The following FSD2 variants were observed in gnomAD, a reference collection of about 807,000 sequenced individuals.
FSD2 encodes fibronectin type III and SPRY domain containing 2, also known as fibronectin type III and SPRY domain-containing protein 2.
Under a neutral mutation model 80.4 loss-of-function variants are expected in FSD2, and 71 were observed. The observed-to-expected ratio is 0.88, with a 90% CI of 0.73 to 1.08. FSD2 has a LOEUF of 1.08. Ranked by LOEUF, FSD2 falls within the 50% of genes least tolerant of loss-of-function variation. The probability of loss-of-function intolerance (pLI) is 0.00; values close to 1 mark genes in which losing one functional copy is unlikely to be tolerated. For missense variants in FSD2, 923 were observed against 913.8 expected (o/e 1.01, Z -0.13); for synonymous variants, 361 against 329.5 (o/e 1.10, Z -1.03).
chr15:82,771,557 C>T (rs1034554387), intron 7 of FSD2, among the ~76,000 whole-genome samples: 2 of 152,340 alleles, frequency 1.3e-5, no homozygotes, highest in East Asian at 1.9e-4. Flanking sequence ...GAGTGGAGGC[C>T]GGGGGCCATC....
chr15:82,765,318 C>A lies in FSD2; in HGVS notation c.1688-20G>T, dbSNP rs1394962071. On this transcript the variant is annotated intron_variant, in intron 10 of 12. Coordinates refer to ENST00000334574, the MANE Select transcript of FSD2 (RefSeq NM_001007122.4). ...AGCTTCCTGTGGGAGGAGGAACACA[C>A]AGAAGACCCGCAGCCAATCACTTGC... is the stretch of plus-strand genomic sequence containing the variant. The A allele has an allele frequency of 6.2e-7, 1 of 1,612,624 alleles. No individual in the cohort carries two copies. The highest frequency in any genetic ancestry group is 8.5e-7 in the Non-Finnish European group (1 of 1,179,438).
chr15:82,800,259 G>A (rs932939617), intron 1 of FSD2, among the ~76,000 whole-genome samples: 2 of 152,192 alleles, frequency 1.3e-5, no homozygotes, highest in Non-Finnish European at 2.9e-5. Flanking sequence ...TGTCCTGCAA[G>A]CACAGGAAAA....
chr15:82,790,970 C>A (rs2050135535), intron 1 of FSD2, among the ~76,000 whole-genome samples: 1 of 151,694 alleles, frequency 6.6e-6, no homozygotes, highest in Non-Finnish European at 1.5e-5. Context: ...AAAATGTATA[C>A]TTTAGTGGTT....
chr15:82,802,096 T>G (rs1414720429), intron 1 of FSD2, among the ~76,000 whole-genome samples: 1 of 152,204 alleles, frequency 6.6e-6, no homozygotes, highest in East Asian at 1.9e-4. Context: ...ACCATTAGGC[T>G]CTGGCTGGGG....
Position 82,786,889 on chromosome 15 carries a change from C to A in FSD2, c.502G>T (p.Glu168Ter). 1 of 1,613,966 alleles carries A rather than the reference C, an allele frequency of 6.2e-7. No individual in the cohort carries two copies. Among genetic ancestry groups the A allele is most frequent in the Admixed American group, 1.7e-5 (1 of 60,012 alleles). ...GCAGCTTCTTCTTCATCCTCTTCCT[C>A]GGGGATGACATAGCATTCATACTCC... ...SEEYECYVIP[E>*]EEDEEEAADV... The change falls in exon 2 of 13, where the codon GAG becomes TAG. Residue 168 changes from glutamate to a stop codon, truncating the protein, a stop_gained. Coordinates refer to ENST00000334574, the MANE Select transcript of FSD2 (RefSeq NM_001007122.4). LOFTEE classifies it high-confidence loss of function.
rs2049221927 is a variant in FSD2 at position 82,758,708 on chromosome 15, A to G, written c.*640T>C. 1 of 152,382 alleles carries G rather than the reference A, an allele frequency of 6.6e-6. No homozygotes were observed. Among genetic ancestry groups the G allele is most frequent in the Admixed American group, 6.5e-5 (1 of 15,278 alleles). The allele number at this position is 152,382 out of a possible 1,614,324, so 9.4% of individuals were successfully genotyped here. The stretch of plus-strand genomic sequence containing the variant: ...GTTAGCCCTTGGTGATCTAGCAATG[A>G]ACAAAACAGGCACTGTCCCTCCCTT... On this transcript the variant is annotated 3_prime_UTR_variant, in exon 13 of 13. Transcript: ENST00000334574.
chr15:82,764,896 G>A (rs1343997853), intron 11 of FSD2, among the ~76,000 whole-genome samples: 1 of 151,914 alleles, frequency 6.6e-6, no homozygotes, highest in African/African-American at 2.4e-5. Flanking sequence ...CTCCAGCTCT[G>A]GCAGCCTAGG....
intron 1 of FSD2, chr15:82,796,164 G>C (rs2050263726): frequency 1.3e-5 from 2 of 152,406 alleles, no homozygotes. Flanking sequence ...ACCACATCCA[G>C]CTAATTTTTG....
chr15:82,798,858 T>C (rs1296311871), intron 1 of FSD2, among the ~76,000 whole-genome samples: 1 of 149,026 alleles, frequency 6.7e-6, no homozygotes, highest in African/African-American at 2.5e-5. Flanking sequence ...AAGTTTTCTT[T>C]CCACTATCTC....
chr15:82,777,473 A>G (rs749929758), intron 6 of FSD2, among the ~76,000 whole-genome samples: 41 of 152,188 alleles, frequency 2.7e-4, no homozygotes, highest in Admixed American at 9.8e-4. Flanking sequence ...AGAGTGCTCA[A>G]TCTCTCTAGT....
intron 1 of FSD2, among the ~76,000 whole-genome samples, chr15:82,804,723 G>A (rs1236021185): frequency 6.6e-6 from 1 of 152,246 alleles, no homozygotes; most frequent in Non-Finnish European, 1.5e-5. Flanking sequence ...TGAACTGTCA[G>A]AAGACTGGAA....
At chr15:82,762,610 C>A (rs1432708485) in intron 11 of FSD2, among the ~76,000 whole-genome samples, 1 of 152,136 alleles carries the variant, frequency 6.6e-6, no homozygotes, top group Non-Finnish European at 1.5e-5. Flanking sequence ...TGAAAATACA[C>A]AACACAGCAC....
intron 6 of FSD2, 82 bp from the exon 7 acceptor site, chr15:82,772,310 C>T: frequency 2.9e-6 from 4 of 1,364,600 alleles, no homozygotes; most frequent in Non-Finnish European, 3.0e-6. Context: ...GACCATTGAT[C>T]CCCCCAATGA....
At chr15:82,799,740 TTCTCAAAC>T (rs1865221032) in intron 1 of FSD2, among the ~76,000 whole-genome samples, 1 of 152,310 alleles carries the variant, frequency 6.6e-6, no homozygotes, top group South Asian at 2.1e-4. Flanking sequence ...TCAATAAGGT[TTCTCAAAC>T]TTTCCTGCAC....
At chr15:82,770,629 C>G (rs1477865954) in intron 7 of FSD2, among the ~76,000 whole-genome samples, 1 of 152,068 alleles carries the variant, frequency 6.6e-6, no homozygotes, top group Non-Finnish European at 1.5e-5. Flanking sequence ...TGAGATAGTG[C>G]CACTACACTC....
Position 82,765,146 on chromosome 15 carries a change from G to C in FSD2, c.1820+20C>G. ...TTCGGGAAGTTCACAGAACGCCCTTGTGAGCGGTTGACAAAGTACCTGGTG... is the reference window on the plus strand; with the variant it reads ...TTCGGGAAGTTCACAGAACGCCCTTCTGAGCGGTTGACAAAGTACCTGGTG... On this transcript the variant is annotated intron_variant, in intron 11 of 12. Transcript: ENST00000334574. 6.3e-7 allele frequency: 1 copy of C among 1,579,652 alleles called. No homozygotes were observed. The highest frequency in any genetic ancestry group is 1.1e-5 in the South Asian group (1 of 87,922).
chr15:82,759,671 C>G, intron 12 of FSD2, 71 bp from the exon 13 acceptor site: 2 of 1,285,006 alleles, frequency 1.6e-6, no homozygotes, highest in Admixed American at 2.7e-5. Flanking sequence ...ACATTTCATA[C>G]TAATTTTATT....
At position 82,757,240 on chromosome 15, in the gene FSD2, T is replaced by G. The variant is rs1281632705; in HGVS notation, c.*2108A>C. ...GAGTTTTTAATCCATTTATCCGTGT[T>G]CATACTAACGTGTAGTATTCCATAA... On this transcript the variant is annotated 3_prime_UTR_variant, in exon 13 of 13. Coordinates refer to ENST00000334574, the MANE Select transcript of FSD2 (RefSeq NM_001007122.4). 6.6e-6 allele frequency: 1 copy of G among 152,222 alleles called. No individual in the cohort carries two copies. The highest frequency in any genetic ancestry group is 1.5e-5 in the Non-Finnish European group (1 of 68,046). 9.4% of individuals were successfully genotyped at this position (152,222 alleles called of 1,614,324 possible).
chr15:82,782,315 G>T (rs1050404581), intron 4 of FSD2, among the ~76,000 whole-genome samples: 3 of 151,686 alleles, frequency 2.0e-5, no homozygotes, highest in Admixed American at 6.6e-5. Context: ...CAGGAGAATG[G>T]CGTGAACCCA....
Sources: gnomAD v4.1 joint callset for allele counts (sites outside exome capture counted in the v4.1 genomes callset) on GRCh38, gnomAD v4.1.1 for gene constraint, MANE v1.5 for transcripts, NCBI Gene and HGNC (gene_info 2026-07-23, HGNC 2026-07-21) for gene names.